ADRA1A: variants seen among roughly 807,000 people sequenced by gnomAD.
ADRA1A encodes the protein adrenoceptor alpha 1A.
Under a neutral mutation model 29.6 loss-of-function variants are expected in ADRA1A, and 31 were observed. That is an observed-to-expected ratio of 1.05 (90% confidence interval 0.79 to 1.41). The LOEUF (loss-of-function observed/expected upper bound fraction) is 1.41, where lower values mean the gene tolerates loss of function less well. Among genes scored for constraint, ADRA1A ranks in the 40% most tolerant of loss-of-function variants. ADRA1A has a pLI of 0.00. For missense variants in ADRA1A, 619 were observed against 601.1 expected, an observed-to-expected ratio of 1.03 and a Z score of -0.31; for synonymous variants, 311 against 254.3, an observed-to-expected ratio of 1.22 and a Z score of -2.12.
intron 2 of ADRA1A, among the ~76,000 whole-genome samples, chr8:26,824,336 G>A (rs1028635913): frequency 1.3e-5 from 2 of 151,950 alleles, no homozygotes; most frequent in African/African-American, 4.8e-5. Flanking sequence ...TAGGAATTAA[G>A]GCCAACTAGA....
At chr8:26,810,383 T>C (rs146009781) in intron 2 of ADRA1A, among the ~76,000 whole-genome samples, 1 of 152,382 alleles carries the variant, frequency 6.6e-6, no homozygotes, top group East Asian at 1.9e-4. Context: ...GCCATTCTAT[T>C]TCACTGGGGA....
Position 26,823,681 on chromosome 8 carries a change from G to C in ADRA1A, c.883+40406C>G, listed in dbSNP as rs1363886821. 6.6e-6 allele frequency among the ~76,000 whole-genome samples: 1 copy of C among 152,062 alleles called. No individual in the cohort carries two copies. The highest frequency in any genetic ancestry group is 1.5e-5 in the Non-Finnish European group (1 of 68,020). On this transcript the variant is annotated intron_variant, in intron 2 of 2. Transcript: ENST00000380573. This position sits in a 1 kb window ranked among gnomAD's most constrained non-coding sequence, Gnocchi z 4.2. ...TTTTTCCTATAAGACAGAGGATCAGGACTAGTTGGCCTAGGACCCCTACCA... is the reference window on the plus strand; with the variant it reads ...TTTTTCCTATAAGACAGAGGATCAGCACTAGTTGGCCTAGGACCCCTACCA...
At position 26,832,540 on chromosome 8, in the gene ADRA1A, T is replaced by C. The variant is rs73680936; in HGVS notation, c.883+31547A>G. Among the ~76,000 whole-genome samples, 1,044 of 152,146 alleles carry C rather than the reference T, an allele frequency of 6.9e-3. 8 individuals are homozygous for C. Among genetic ancestry groups the C allele is most frequent in the African/African-American group, 0.024 (1,004 of 41,504 alleles). ...ATCAGGTTGTGGACATGTGTTTTCTTGGGAGAAATTAAGGAAGCTGAAGAT... is the reference window on the plus strand; with the variant it reads ...ATCAGGTTGTGGACATGTGTTTTCTCGGGAGAAATTAAGGAAGCTGAAGAT... On this transcript the variant is annotated intron_variant, in intron 2 of 2. Coordinates refer to ENST00000380573, the MANE Select transcript of ADRA1A (RefSeq NM_000680.4).
chr8:26,778,750 T>C lies in ADRA1A; in HGVS notation c.884-8084A>G, dbSNP rs143474611. The stretch of plus-strand genomic sequence containing the variant: ...ATAAGTGGGAATTGAACAATGACTA[T>C]ACTTGGACACAGGAAGGGGAACATC... On this transcript the variant is annotated intron_variant, in intron 2 of 2. Coordinates refer to ENST00000380573, the MANE Select transcript of ADRA1A (RefSeq NM_000680.4). Among the ~76,000 whole-genome samples the C allele has an allele frequency of 5.6e-3, 714 of 127,334 alleles. 10 individuals are homozygous for C. Among genetic ancestry groups the C allele is most frequent in the Admixed American group, 0.033 (332 of 9,916 alleles). The allele number at this position is 127,334 out of a possible 152,430, so 83.5% of individuals were successfully genotyped here.
At chr8:26,771,185 T>C (rs1463344610) in intron 2 of ADRA1A, among the ~76,000 whole-genome samples, 1 of 152,206 alleles carries the variant, frequency 6.6e-6, no homozygotes, top group Non-Finnish European at 1.5e-5. Flanking sequence ...CTTTACACAA[T>C]ATTGGCCTTG....
At chr8:26,824,387 C>T (rs991046539) in intron 2 of ADRA1A, among the ~76,000 whole-genome samples, 11 of 152,124 alleles carry the variant, frequency 7.2e-5, no homozygotes, top group Admixed American at 5.9e-4. Context: ...CGGGAAGCCA[C>T]GGTCAAGGCA....
chr8:26,785,755 A>T (rs1807324650), intron 2 of ADRA1A, among the ~76,000 whole-genome samples: 1 of 152,210 alleles, frequency 6.6e-6, no homozygotes, highest in Non-Finnish European at 1.5e-5. Context: ...CTCAGGGTTA[A>T]TGTGTTCAAA....
intron 2 of ADRA1A, among the ~76,000 whole-genome samples, chr8:26,819,092 G>A (rs1459029707): frequency 6.6e-6 from 1 of 152,130 alleles, no homozygotes; most frequent in East Asian, 1.9e-4. Flanking sequence ...AAAGCAGCAA[G>A]AGAAAAGCAG....
At chr8:26,859,740 T>C (rs375081866) in intron 2 of ADRA1A, among the ~76,000 whole-genome samples, 32 of 151,824 alleles carry the variant, frequency 2.1e-4, no homozygotes, top group African/African-American at 7.7e-4. Flanking sequence ...GAACTGTATG[T>C]TCCCTACTTC....
intron 2 of ADRA1A, among the ~76,000 whole-genome samples, chr8:26,855,246 T>A (rs963056019): frequency 6.6e-5 from 10 of 151,942 alleles, no homozygotes; most frequent in Non-Finnish European, 1.5e-4. Context: ...TGTGAGTGCA[T>A]GCATATGTGT....
At chr8:26,790,426 A>C (rs1807733293) in intron 2 of ADRA1A, among the ~76,000 whole-genome samples, 1 of 152,138 alleles carries the variant, frequency 6.6e-6, no homozygotes, top group African/African-American at 2.4e-5. Flanking sequence ...AGAAGCAGAG[A>C]TTAGAATAGT....
At position 26,828,054 on chromosome 8, in the gene ADRA1A, T is replaced by C. The variant is rs150426338; in HGVS notation, c.883+36033A>G. ...GACCACAGGCATGTGCCACCATGCC[T>C]GGATAATTTTTATATTTTTGGTAGA... On this transcript the variant is annotated intron_variant, in intron 2 of 2. Transcript: ENST00000380573. Among the ~76,000 whole-genome samples, 1,007 of 152,042 alleles carry C rather than the reference T, an allele frequency of 6.6e-3. 10 individuals carry two copies. The highest frequency in any genetic ancestry group is 0.023 in the African/African-American group (969 of 41,454).
downstream of ADRA1A, among the ~76,000 whole-genome samples, chr8:26,763,446 G>A (rs1235949972): frequency 2.6e-5 from 4 of 152,288 alleles, no homozygotes; most frequent in East Asian, 7.7e-4. The surrounding 1 kb of genome is among the most constrained non-coding windows in gnomAD (Gnocchi z 4.5). Context: ...AGGCTACCTG[G>A]GCCCCAGTGG....
chr8:26,861,738 A>T (rs1184013341), intron 2 of ADRA1A, among the ~76,000 whole-genome samples: 1 of 152,108 alleles, frequency 6.6e-6, no homozygotes. Context: ...AGTGAAGTGC[A>T]TTACTATTTA....
chr8:26,783,265 T>C (rs1268932625), intron 2 of ADRA1A, among the ~76,000 whole-genome samples: 3 of 152,122 alleles, frequency 2.0e-5, no homozygotes, highest in African/African-American at 7.2e-5. Flanking sequence ...GCTGGATAAG[T>C]AGGTAGTAGA....
intron 2 of ADRA1A, among the ~76,000 whole-genome samples, chr8:26,811,194 TC>T (rs34032694): frequency 0.085 from 12,464 of 147,338 alleles, 814 homozygotes; most frequent in East Asian, 0.32. Flanking sequence ...TTCTTTCTTT[TC>T]TTTTTTTTTT....
In ADRA1A at chr8:26,769,000, A is replaced by G; in HGVS notation, c.*1149T>C. On this transcript the variant is annotated 3_prime_UTR_variant, in exon 3 of 3. Transcript: ENST00000380573. ...TTAGACAGTTCTTTGGTGATCCATCAGTATTGTCTGAAGCTAAGCATTAGT... is the reference window on the plus strand; with the variant it reads ...TTAGACAGTTCTTTGGTGATCCATCGGTATTGTCTGAAGCTAAGCATTAGT... The G allele has an allele frequency of 1.0e-6, 1 of 985,464 alleles. No individual in the cohort carries two copies. The highest frequency in any genetic ancestry group is 1.2e-6 in the Non-Finnish European group (1 of 829,926). The allele number at this position is 985,464 out of a possible 1,614,324, so 61.0% of individuals were successfully genotyped here.
chr8:26,859,142 A>T, intron 2 of ADRA1A: 1 of 1,290,122 alleles, frequency 7.8e-7, no homozygotes, highest in African/African-American at 1.5e-5. Context: ...CCTCTCCCGC[A>T]GCCTAGTGCA....
At chr8:26,799,679 C>T (rs574946215) in intron 2 of ADRA1A, among the ~76,000 whole-genome samples, 2 of 152,266 alleles carry the variant, frequency 1.3e-5, no homozygotes, top group Non-Finnish European at 2.9e-5. Flanking sequence ...TCTACTGTAG[C>T]TTGTTTCACC....
Sources: allele counts gnomAD v4.1 joint callset (sites outside exome capture counted in the v4.1 genomes callset), GRCh38; gene constraint gnomAD v4.1.1; non-coding constraint Gnocchi (gnomAD v3.1); transcripts MANE v1.5; gene names NCBI Gene and HGNC (gene_info 2026-07-23, HGNC 2026-07-21).